The following LHFPL3 variants were observed in gnomAD, a reference collection of about 807,000 sequenced individuals.
LHFPL3 encodes the protein LHFPL tetraspan subfamily member 3, also known as LHFPL tetraspan subfamily member 3 protein.
In LHFPL3, 5 loss-of-function variants were observed where a neutral mutation model predicts 19.3. The observed-to-expected ratio is 0.26, with a 90% CI of 0.14 to 0.54. The LOEUF is 0.54. LHFPL3 is among the 20% of genes least tolerant of loss of function. The pLI is 0.94. For missense variants in LHFPL3, 249 were observed against 307.4 expected (o/e 0.81, Z 1.42); for synonymous variants, 133 against 126.2 (o/e 1.05, Z -0.36).
chr7:104,715,393 C>A (rs1016718917), intron 1 of LHFPL3, among the ~76,000 whole-genome samples: 2 of 151,742 alleles, frequency 1.3e-5, no homozygotes, highest in East Asian at 3.8e-4. Flanking sequence ...TTTTTTTTAC[C>A]ATTTGAAGTT....
At chr7:104,822,983 G>C (rs1036384572) in intron 2 of LHFPL3, among the ~76,000 whole-genome samples, 12 of 152,022 alleles carry the variant, frequency 7.9e-5, no homozygotes, top group Admixed American at 5.9e-4. Flanking sequence ...AGTACCTTGG[G>C]GTCCCAGGCC....
intron 2 of LHFPL3, among the ~76,000 whole-genome samples, chr7:104,825,076 G>C (rs1584557456): frequency 1.3e-5 from 2 of 150,628 alleles, no homozygotes; most frequent in East Asian, 3.9e-4. Context: ...AAGTGACAGG[G>C]GAGTGGGGGA....
chr7:104,530,951 C>T (rs1350234334), intron 1 of LHFPL3, among the ~76,000 whole-genome samples: 1 of 152,116 alleles, frequency 6.6e-6, no homozygotes. Flanking sequence ...AAATGCTCTT[C>T]GATTGCTCTA....
At chr7:104,409,013 T>C (rs188075331) in intron 1 of LHFPL3, among the ~76,000 whole-genome samples, 75 of 149,800 alleles carry the variant, frequency 5.0e-4, no homozygotes, top group Non-Finnish European at 4.0e-4. Flanking sequence ...TACAGGCGCC[T>C]GCCACCACGC....
intron 1 of LHFPL3, among the ~76,000 whole-genome samples, chr7:104,679,240 C>CCT: frequency 6.6e-6 from 1 of 152,228 alleles, no homozygotes; most frequent in African/African-American, 2.4e-5. Context: ...TTGACAGAAA[C>CCT]TGAGACCTCA....
At chr7:104,337,183 A>AAAC (rs573646627) in intron 1 of LHFPL3, among the ~76,000 whole-genome samples, 14 of 152,004 alleles carry the variant, frequency 9.2e-5, no homozygotes, top group African/African-American at 2.4e-4. Context: ...TAAAACAAAC[A>AAAC]AACAACAACA....
chr7:104,531,079 A>T (rs556378480), intron 1 of LHFPL3, among the ~76,000 whole-genome samples: 2 of 152,368 alleles, frequency 1.3e-5, no homozygotes, highest in African/African-American at 4.8e-5. Context: ...GCAAAGGCTA[A>T]GTCAGCATCA....
chr7:104,545,401 G>A (rs974317), intron 1 of LHFPL3, among the ~76,000 whole-genome samples: 147,720 of 152,280 alleles, frequency 0.97, 71,812 homozygotes, highest in East Asian at 1. Flanking sequence ...TCCTGCACTC[G>A]TCTAGTGCTG....
At chr7:104,386,009 T>C (rs1426398037) in intron 1 of LHFPL3, among the ~76,000 whole-genome samples, 1 of 152,016 alleles carries the variant, frequency 6.6e-6, no homozygotes. Context: ...TACAAAAATG[T>C]AAGAAGCGTT....
At chr7:104,815,977 G>A (rs1790554511) in intron 2 of LHFPL3, among the ~76,000 whole-genome samples, 1 of 152,078 alleles carries the variant, frequency 6.6e-6, no homozygotes, top group Non-Finnish European at 1.5e-5. Flanking sequence ...CCTCCTTCCT[G>A]TAGCTGACCA....
intron 2 of LHFPL3, among the ~76,000 whole-genome samples, chr7:104,824,382 TA>T (rs1203245200): frequency 1.1e-4 from 1 of 9,262 alleles, no homozygotes; most frequent in Non-Finnish European, 1.7e-4. Flanking sequence ...TTATATATAA[TA>T]TATATAATTA....
At chr7:104,420,292 C>T (rs562408109) in intron 1 of LHFPL3, among the ~76,000 whole-genome samples, 1 of 152,366 alleles carries the variant, frequency 6.6e-6, no homozygotes, top group Admixed American at 6.5e-5. Flanking sequence ...GTGTCCATGG[C>T]AGCCTCCCCT....
In LHFPL3 at chr7:104,367,374, C is replaced by T. The variant is rs759234900; in HGVS notation, c.445+38150C>T. Among the ~76,000 whole-genome samples, 4 of 152,326 alleles carry T rather than the reference C, an allele frequency of 2.6e-5. No individual in the cohort carries two copies. The East Asian group carries it at 7.7e-4, about 29-fold the overall frequency. ...TGGGAATCAGATGTTCTATGGTTAA[C>T]TTGTAACCTATGTCGTCAACATCTT... On this transcript the variant is annotated intron_variant, in intron 1 of 2. Transcript: ENST00000424859.
chr7:104,451,601 T>C (rs1194859769), intron 1 of LHFPL3, among the ~76,000 whole-genome samples: 2 of 114,436 alleles, frequency 1.7e-5, no homozygotes, highest in African/African-American at 5.6e-5. Context: ...AACATTTTGG[T>C]AAAAACATCC....
chr7:104,841,340 C>T (rs921604115), intron 2 of LHFPL3, among the ~76,000 whole-genome samples: 1 of 152,156 alleles, frequency 6.6e-6, no homozygotes, highest in African/African-American at 2.4e-5. Flanking sequence ...CTGCAGTCCA[C>T]GTTCTGCATA....
At chr7:104,906,151 C>G (rs371765698) in intron 2 of LHFPL3, 36 bp from the exon 3 acceptor site, 4 of 1,600,856 alleles carry the variant, frequency 2.5e-6, no homozygotes, top group East Asian at 4.5e-5. Flanking sequence ...TCTCTCCCCC[C>G]ACCCTTTTTC....
At chr7:104,426,480 T>C (rs1013097437) in intron 1 of LHFPL3, among the ~76,000 whole-genome samples, 12 of 152,274 alleles carry the variant, frequency 7.9e-5, no homozygotes, top group African/African-American at 2.9e-4. Context: ...TGTCTGGAAC[T>C]TCCGGCCTCA....
intron 2 of LHFPL3, among the ~76,000 whole-genome samples, chr7:104,848,419 G>A (rs967937681): frequency 2.6e-5 from 4 of 152,140 alleles, no homozygotes; most frequent in Non-Finnish European, 5.9e-5. Context: ...TGGTCTTCCC[G>A]CTGATGATGA....
intron 1 of LHFPL3, among the ~76,000 whole-genome samples, chr7:104,561,331 G>T (rs1373410726): frequency 2.0e-5 from 3 of 149,680 alleles, no homozygotes; most frequent in African/African-American, 7.6e-5. Flanking sequence ...CTCTTTGTAG[G>T]TCACTCAGGA....
Sources: allele counts gnomAD v4.1 joint callset (sites outside exome capture counted in the v4.1 genomes callset), GRCh38; gene constraint gnomAD v4.1.1; transcripts MANE v1.5; gene names NCBI Gene and HGNC (gene_info 2026-07-23, HGNC 2026-07-21).